Variants in KCTD10 observed in about 807,000 individuals in gnomAD.
KCTD10 encodes the protein potassium channel tetramerization domain containing 10.
KCTD10 carries 13 observed loss-of-function variants against 34.6 expected under a neutral mutation model. The ratio of observed to expected loss-of-function variants is 0.38; its 90% CI spans 0.24 to 0.60. The LOEUF is 0.60. Ranked by LOEUF, KCTD10 falls within the 20% of genes least tolerant of loss-of-function variation. KCTD10 has a pLI of 0.66. For synonymous variants in KCTD10, 156 were observed against 168.8 expected, an observed-to-expected ratio of 0.92 and a Z score of 0.59; for missense variants, 256 against 420.3, an observed-to-expected ratio of 0.61 and a Z score of 3.42.
intron 2 of KCTD10, among the ~76,000 whole-genome samples, chr12:109,468,653 CTTTTTTT>C (rs34623703): frequency 1.5e-5 from 2 of 132,460 alleles, no homozygotes; most frequent in Non-Finnish European, 3.2e-5. Context: ...AATTCTTTGC[CTTTTTTT>C]TTTTTTTTTT....
At chr12:109,475,444 T>C (rs1253053624) in intron 1 of KCTD10, among the ~76,000 whole-genome samples, 2 of 151,928 alleles carry the variant, frequency 1.3e-5, no homozygotes, top group Non-Finnish European at 2.9e-5. Context: ...ACCAGTGCAC[T>C]CTCCAGCCTG....
intron 2 of KCTD10, among the ~76,000 whole-genome samples, chr12:109,468,777 C>T (rs529375953): frequency 1.5e-4 from 23 of 152,078 alleles, no homozygotes; most frequent in African/African-American, 4.1e-4. Context: ...CTCAGCCTCC[C>T]GAGTAGCTGG....
At chr12:109,462,635 A>C (rs1409967425) in intron 2 of KCTD10, among the ~76,000 whole-genome samples, 1 of 152,218 alleles carries the variant, frequency 6.6e-6, no homozygotes, top group African/African-American at 2.4e-5. Context: ...TGGGGCTGAC[A>C]GGACAGCATC....
Position 109,457,587 on chromosome 12 carries a change from T to C in KCTD10, c.527+43A>G, listed in dbSNP as rs111861366. The C allele has an allele frequency of 5.7e-6, 9 of 1,589,104 alleles. No homozygotes were observed. The African/African-American group carries it at 1.1e-4, about 19-fold the overall frequency. ...TGGGCCTGGCTGGTGTGAGTGGAGG[T>C]TTTCCTAGTAAATGGAGCTGTCTTT... On this transcript the variant is annotated intron_variant, in intron 5 of 6. Coordinates refer to ENST00000228495, the MANE Select transcript of KCTD10 (RefSeq NM_031954.5).
At chr12:109,474,656 G>T (rs1260066691) in intron 1 of KCTD10, among the ~76,000 whole-genome samples, 12 of 151,926 alleles carry the variant, frequency 7.9e-5, no homozygotes. Context: ...CCACGGTCTT[G>T]GCCCAGTGAA....
chr12:109,450,102 G>T lies in KCTD10; in HGVS notation c.*1493C>A, dbSNP rs1872690406. On this transcript the variant is annotated 3_prime_UTR_variant, in exon 7 of 7. Transcript: ENST00000228495. The stretch of plus-strand genomic sequence containing the variant: ...CGTTTGAAAATATAAACTCGTTTTT[G>T]GAATACATGTGTCAAAGGCTGCCCA... 5.0e-6 allele frequency: 2 copies of T among 396,368 alleles called. No homozygotes were observed. Among genetic ancestry groups the T allele is most frequent in the Non-Finnish European group, 8.9e-6 (2 of 225,276 alleles). The allele number at this position is 396,368 out of a possible 1,614,324, so 24.6% of individuals were successfully genotyped here.
intron 1 of KCTD10, chr12:109,471,403 G>A: frequency 1.0e-6 from 1 of 985,258 alleles, no homozygotes; most frequent in Non-Finnish European, 1.2e-6. Flanking sequence ...GAGAAAGAAC[G>A]GCCTCCTGGA....
intron 1 of KCTD10, among the ~76,000 whole-genome samples, chr12:109,475,875 C>T (rs761985355): frequency 5.0e-5 from 5 of 100,210 alleles, no homozygotes; most frequent in Non-Finnish European, 6.2e-5. Context: ...AGACAGCTAC[C>T]GCCAATTGCA....
At chr12:109,459,073 G>T (rs990138363) in intron 3 of KCTD10, 2 of 152,306 alleles carry the variant, frequency 1.3e-5, no homozygotes, top group African/African-American at 4.8e-5. Flanking sequence ...GAAGGGAGAA[G>T]AAAGAAAACA....
intron 2 of KCTD10, 79 bp downstream of exon 2, chr12:109,469,436 T>A (rs1873763402): frequency 6.5e-7 from 1 of 1,540,390 alleles, no homozygotes; most frequent in Non-Finnish European, 8.8e-7. Flanking sequence ...GGTCTCGACT[T>A]AAATGTCACT....
chr12:109,451,903 A>G lies in KCTD10; in HGVS notation c.724-90T>C. On this transcript the variant is annotated intron_variant, in intron 6 of 6. Coordinates refer to ENST00000228495, the MANE Select transcript of KCTD10 (RefSeq NM_031954.5). The surrounding 1 kb of genome is among the most constrained non-coding windows in gnomAD (Gnocchi z 5.0). Reference sequence around the variant, plus strand: ...TTAAGCAGGGCCGCCAGGCTAAATCAGGCCCCTGGGATTCTGCTGAAGGCC... The same window carrying G: ...TTAAGCAGGGCCGCCAGGCTAAATCGGGCCCCTGGGATTCTGCTGAAGGCC... The G allele has an allele frequency of 8.9e-7, 1 of 1,119,104 alleles. No homozygotes were observed. Among genetic ancestry groups the G allele is most frequent in the Non-Finnish European group, 1.2e-6 (1 of 807,528 alleles). 69.3% of individuals were successfully genotyped at this position (1,119,104 alleles called of 1,614,324 possible).
At chr12:109,475,329 T>C (rs1874107642) in intron 1 of KCTD10, among the ~76,000 whole-genome samples, 1 of 151,574 alleles carries the variant, frequency 6.6e-6, no homozygotes, top group Non-Finnish European at 1.5e-5. Context: ...AAAAAAAAAT[T>C]AACCGGTCAT....
chr12:109,457,512 G>A (rs1158899994), intron 5 of KCTD10, 118 bp downstream of exon 5: 2 of 802,250 alleles, frequency 2.5e-6, no homozygotes, highest in Non-Finnish European at 4.4e-6. Context: ...TATCTATCCA[G>A]GCAGAGAGGT....
chr12:109,461,054 C>T (rs954796014), intron 2 of KCTD10, among the ~76,000 whole-genome samples: 1 of 152,224 alleles, frequency 6.6e-6, no homozygotes, highest in Non-Finnish European at 1.5e-5. Flanking sequence ...GACATCCCGA[C>T]TCTTGAGGCC....
rs758107652 is a variant in KCTD10 at position 109,451,690 on chromosome 12, G to A, written c.847C>T (p.His283Tyr). 5 of 1,613,834 alleles carry A rather than the reference G, an allele frequency of 3.1e-6. No individual in the cohort carries two copies. The highest frequency in any genetic ancestry group is 4.2e-6 in the Non-Finnish European group (5 of 1,179,930). Residue 283 changes from histidine (H) to tyrosine (Y), a missense_variant, in exon 7 of 7, where the codon CAC (histidine) becomes TAC (tyrosine). His to Tyr is a moderately conservative substitution (Grantham distance 83). Transcript: ENST00000228495. The surrounding 1 kb of genome is among the most constrained non-coding windows in gnomAD (Gnocchi z 5.0). ...EATGGAAGRS[H>Y]HLDEDEERER... ...CGCTCCTCGTCCTCGTCCAGGTGGTGGGAGCGCCCCGCCGCCCCGCCTGTG... is the reference window on the plus strand; with the variant it reads ...CGCTCCTCGTCCTCGTCCAGGTGGTAGGAGCGCCCCGCCGCCCCGCCTGTG...
In KCTD10 at chr12:109,450,512, G is replaced by C; in HGVS notation, c.*1083C>G. On this transcript the variant is annotated 3_prime_UTR_variant, in exon 7 of 7. Coordinates refer to ENST00000228495, the MANE Select transcript of KCTD10 (RefSeq NM_031954.5). Reference sequence around the variant, plus strand: ...GCCACTCTACACTGTGTAAAAATCAGAGGCAAAGACAAGGGGGTCTGTGTT... The same window carrying C: ...GCCACTCTACACTGTGTAAAAATCACAGGCAAAGACAAGGGGGTCTGTGTT... 2.5e-6 allele frequency: 1 copy of C among 397,712 alleles called. No individual in the cohort carries two copies. The highest frequency in any genetic ancestry group is 4.4e-6 in the Non-Finnish European group (1 of 225,840). 24.6% of individuals were successfully genotyped at this position (397,712 alleles called of 1,614,324 possible). A position where few individuals can be genotyped will look rare whatever the true frequency, so the allele number is the denominator to read the frequency against.
intron 5 of KCTD10, chr12:109,457,369 G>A (rs2135647460): frequency 2.7e-6 from 1 of 367,112 alleles, no homozygotes; most frequent in African/African-American, 2.1e-5. Flanking sequence ...TAGTCGTTAT[G>A]GCCTCACAAC....
Position 109,456,256 on chromosome 12 carries a change from G to A in KCTD10, c.585C>T (p.Arg195=), listed in dbSNP as rs1258629523. The A allele has an allele frequency of 6.2e-7, 1 of 1,614,216 alleles. No homozygotes were observed. The highest frequency in any genetic ancestry group is 2.2e-5 in the East Asian group (1 of 44,890). Residue 195 remains arginine, a synonymous_variant, in exon 6 of 7, where the codon CGC becomes CGT. Transcript: ENST00000228495. ...TTATGAACAGGACCCTTCCGTTAAA[G>A]CGCAGAGACAGCTTATCAAACAGTT... The part of the protein sequence containing the change: ...NIELFDKLSL[R]FNGRVLFIKD...
chr12:109,474,922 A>C (rs1874080344), intron 1 of KCTD10, among the ~76,000 whole-genome samples: 1 of 152,174 alleles, frequency 6.6e-6, no homozygotes, highest in South Asian at 2.1e-4. Context: ...TGTGTTAAGG[A>C]AAACGGGATA....
Sources: gnomAD v4.1 joint callset for allele counts (sites outside exome capture counted in the v4.1 genomes callset) on GRCh38, gnomAD v4.1.1 for gene constraint, Gnocchi (gnomAD v3.1) non-coding constraint, MANE v1.5 for transcripts, NCBI Gene and HGNC (gene_info 2026-07-23, HGNC 2026-07-21) for gene names.